The following OLFM3 variants were observed in gnomAD, a reference collection of about 807,000 sequenced individuals.
OLFM3 encodes the protein olfactomedin 3.
A neutral mutation model predicts 48.6 loss-of-function variants in OLFM3; 20 were observed. That is an observed-to-expected ratio of 0.41 (90% CI 0.29 to 0.60). The LOEUF (loss-of-function observed/expected upper bound fraction) is 0.60, where lower values mean the gene tolerates loss of function less well. Ranked by LOEUF, OLFM3 falls within the 20% of genes least tolerant of loss-of-function variation. OLFM3 has a pLI of 0.28. For synonymous variants in OLFM3, 222 were observed against 198.1 expected, an observed-to-expected ratio of 1.12 and a Z score of -1.01; for missense variants, 437 against 544.3, an observed-to-expected ratio of 0.80 and a Z score of 1.96.
chr1:101,882,096 G>GACACAC (rs1657551153), intron 1 of OLFM3, among the ~76,000 whole-genome samples: 1 of 149,842 alleles, frequency 6.7e-6, no homozygotes, highest in Admixed American at 6.7e-5. Context: ...GAAATACACA[G>GACACAC]ACACACACAC....
chr1:101,822,068 G>A (rs1434630334), intron 4 of OLFM3, among the ~76,000 whole-genome samples: 2 of 152,050 alleles, frequency 1.3e-5, no homozygotes, highest in South Asian at 4.1e-4. Context: ...GAATAAAAAG[G>A]ATGAATGCGT....
chr1:101,811,558 T>C (rs1654051595), intron 4 of OLFM3, among the ~76,000 whole-genome samples: 3 of 152,152 alleles, frequency 2.0e-5, no homozygotes, highest in Admixed American at 2.0e-4. Flanking sequence ...AAAGAAGACA[T>C]TTATGCAGCC....
chr1:101,909,691 T>C (rs1408331174), intron 1 of OLFM3, among the ~76,000 whole-genome samples: 1 of 152,240 alleles, frequency 6.6e-6, no homozygotes, highest in Non-Finnish European at 1.5e-5. Flanking sequence ...TCCATTATAA[T>C]TACTTGTCAT....
chr1:101,836,636 T>C (rs1400057461), intron 2 of OLFM3, among the ~76,000 whole-genome samples: 1 of 150,984 alleles, frequency 6.6e-6, no homozygotes, highest in African/African-American at 2.4e-5. Context: ...GAGATTAAGA[T>C]ATATGGTAGA....
chr1:101,946,528 G>A (rs894359151), intron 1 of OLFM3, among the ~76,000 whole-genome samples: 8 of 152,050 alleles, frequency 5.3e-5, no homozygotes, highest in East Asian at 1.9e-4. Context: ...TATTTTTAGC[G>A]TACCTATAAT....
chr1:101,836,625 A>G (rs1300233867), intron 2 of OLFM3, among the ~76,000 whole-genome samples: 2 of 151,816 alleles, frequency 1.3e-5, no homozygotes, highest in African/African-American at 2.4e-5. Flanking sequence ...GATATCAACT[A>G]GAGATTAAGA....
chr1:101,882,783 A>T (rs1277022702), intron 1 of OLFM3: 1 of 151,872 alleles, frequency 6.6e-6, no homozygotes, highest in East Asian at 1.9e-4. Flanking sequence ...AACCTCAACA[A>T]GGCAGGGACA....
chr1:101,878,491 A>G (rs1026200771), intron 1 of OLFM3, among the ~76,000 whole-genome samples: 1 of 151,884 alleles, frequency 6.6e-6, no homozygotes, highest in Admixed American at 6.6e-5. Context: ...TTTATATTCT[A>G]CATCAGCTAC....
chr1:101,924,288 T>TA (rs1171493785), intron 1 of OLFM3, among the ~76,000 whole-genome samples: 3 of 152,304 alleles, frequency 2.0e-5, no homozygotes, highest in South Asian at 2.1e-4. Flanking sequence ...TGGAAGCCAA[T>TA]AAGCTTACTA....
intron 1 of OLFM3, among the ~76,000 whole-genome samples, chr1:101,888,718 A>G (rs1480499207): frequency 2.6e-5 from 4 of 152,186 alleles, no homozygotes; most frequent in Admixed American, 6.5e-5. Context: ...CAGGCAACCT[A>G]CAGAATGGGA....
intron 1 of OLFM3, among the ~76,000 whole-genome samples, chr1:101,954,513 C>A (rs1368355719): frequency 6.6e-6 from 1 of 151,982 alleles, no homozygotes; most frequent in African/African-American, 2.4e-5. Flanking sequence ...TTTAATTTAG[C>A]TTTAATTTTA....
chr1:101,933,883 A>G (rs891258368), intron 1 of OLFM3, among the ~76,000 whole-genome samples: 2 of 152,242 alleles, frequency 1.3e-5, no homozygotes, highest in African/African-American at 4.8e-5. Flanking sequence ...TAAGCGAAGA[A>G]GAAATAAAAT....
intron 1 of OLFM3, among the ~76,000 whole-genome samples, chr1:101,840,473 A>AC (rs1553172436): frequency 2.8e-5 from 4 of 143,396 alleles, no homozygotes; most frequent in South Asian, 2.2e-4. Context: ...TATTTCAGAG[A>AC]TTTTTTTTTT....
At chr1:101,893,360 A>G in intron 1 of OLFM3, 1 of 388,268 alleles carries the variant, frequency 2.6e-6, no homozygotes, top group South Asian at 2.4e-5. Flanking sequence ...AGCTGTGTGC[A>G]TGGAGACCCA....
chr1:101,958,641 G>A (rs12035347), intron 1 of OLFM3, among the ~76,000 whole-genome samples: 113,211 of 151,840 alleles, frequency 0.75, 42,406 homozygotes, highest in East Asian at 0.96. Context: ...GATGAAAAGC[G>A]GATTTGGAGA....
chr1:101,861,598 G>A (rs1395398068), intron 1 of OLFM3, among the ~76,000 whole-genome samples: 1 of 152,194 alleles, frequency 6.6e-6, no homozygotes, highest in East Asian at 1.9e-4. Flanking sequence ...GGAAGGTCAC[G>A]ATAATGGAAT....
chr1:101,819,975 A>C (rs1479442317), intron 4 of OLFM3, among the ~76,000 whole-genome samples: 1 of 152,082 alleles, frequency 6.6e-6, no homozygotes, highest in Non-Finnish European at 1.5e-5. Context: ...GGAGTTATTG[A>C]CTTATGTGTC....
chr1:101,956,086 G>GTTGTTTTTTTTT (rs1553183027), intron 1 of OLFM3, among the ~76,000 whole-genome samples: 5 of 105,050 alleles, frequency 4.8e-5, no homozygotes, highest in African/African-American at 2.0e-4. Flanking sequence ...ACAATAACAG[G>GTTGTTTTTTTTT]TTTTTTTTTT....
At chr1:101,812,026 T>C (rs1654079201) in intron 4 of OLFM3, among the ~76,000 whole-genome samples, 1 of 152,118 alleles carries the variant, frequency 6.6e-6, no homozygotes, top group Non-Finnish European at 1.5e-5. Context: ...TGAGTTCGTG[T>C]CCTTTGTAGG....
Sources: allele counts gnomAD v4.1 joint callset (sites outside exome capture counted in the v4.1 genomes callset), GRCh38; gene constraint gnomAD v4.1.1; transcripts MANE v1.5; gene names NCBI Gene and HGNC (gene_info 2026-07-23, HGNC 2026-07-21).